The following APBB2 variants were observed in gnomAD, a reference collection of about 807,000 sequenced individuals.
APBB2 encodes the protein amyloid beta precursor protein binding family B member 2.
APBB2 carries 38 observed loss-of-function variants against 82.5 expected under a neutral mutation model. That is an observed-to-expected ratio of 0.46 (90% confidence interval 0.36 to 0.60). The LOEUF is 0.60. APBB2 is among the 20% of genes least tolerant of loss of function. The pLI is 0.00. For synonymous variants in APBB2, 341 were observed against 368.2 expected, an observed-to-expected ratio of 0.93 and a Z score of 0.85; for missense variants, 772 against 972.3, an observed-to-expected ratio of 0.79 and a Z score of 2.74.
At chr4:40,825,699 C>G in intron 15 of APBB2, 188 bp downstream of exon 15, 1 of 571,378 alleles carries the variant, frequency 1.8e-6, no homozygotes, top group South Asian at 2.0e-5. Context: ...GTCAAAGCAG[C>G]GGGGCCTGTC....
intron 1 of APBB2, among the ~76,000 whole-genome samples, chr4:41,191,231 C>G (rs1293396756): frequency 2.0e-5 from 3 of 152,124 alleles, no homozygotes; most frequent in African/African-American, 7.2e-5. Flanking sequence ...CTCCTTTGTC[C>G]ACTTTAACCA....
intron 12 of APBB2, among the ~76,000 whole-genome samples, chr4:40,840,632 C>T (rs937498996): frequency 6.6e-6 from 1 of 152,134 alleles, no homozygotes; most frequent in Non-Finnish European, 1.5e-5. Flanking sequence ...AGTTTTTTAG[C>T]CTCCGAAAGG....
rs992728653 is a variant in APBB2 at position 41,178,340 on chromosome 4, G to A, written c.-416-35198C>T. Among the ~76,000 whole-genome samples, 7 of 152,166 alleles carry A rather than the reference G, an allele frequency of 4.6e-5. No homozygotes were observed. In the East Asian group the frequency reaches 1.4e-3, roughly 29 times the overall value. ...TTGTGTTTAAGTCACTCCTACTAAG[G>A]ATCTTTAAAATCTCTACATACATCT... is the stretch of plus-strand genomic sequence containing the variant. On this transcript the variant is annotated intron_variant, in intron 1 of 17. Coordinates refer to ENST00000508593, the MANE Select transcript of APBB2 (RefSeq NM_004307.2).
At chr4:40,920,451 C>A (rs1376465148) in intron 10 of APBB2, among the ~76,000 whole-genome samples, 5 of 152,224 alleles carry the variant, frequency 3.3e-5, no homozygotes, top group African/African-American at 1.2e-4. Flanking sequence ...ACTGCATTTT[C>A]TCTTACCTCT....
intron 3 of APBB2, among the ~76,000 whole-genome samples, chr4:41,087,064 C>T (rs1048766712): frequency 2.0e-5 from 3 of 152,108 alleles, no homozygotes; most frequent in African/African-American, 7.2e-5. Context: ...CACTTGAGCC[C>T]AGGAGTTCAA....
Position 40,815,754 on chromosome 4 carries a change from T to C in APBB2, c.*338A>G, listed in dbSNP as rs1283951745. On this transcript the variant is annotated 3_prime_UTR_variant, in exon 18 of 18. Transcript: ENST00000508593. ...GTGAAACTAACTCACGCATCATTCA[T>C]TCCAAGGACGCAGCGTTAGTTCACT... The C allele has an allele frequency of 2.1e-5, 5 of 238,748 alleles. No individual in the cohort carries two copies. Among genetic ancestry groups the C allele is most frequent in the Non-Finnish European group, 4.2e-5 (5 of 119,566 alleles). The allele number at this position is 238,748 out of a possible 1,614,324, so 14.8% of individuals were successfully genotyped here.
chr4:40,851,072 G>T (rs928693539), intron 12 of APBB2, among the ~76,000 whole-genome samples: 18 of 152,124 alleles, frequency 1.2e-4, no homozygotes, highest in Non-Finnish European at 5.9e-5. Flanking sequence ...ACTTCGTGGA[G>T]CCCAGTGCAA....
chr4:41,181,033 T>C (rs1438039931), intron 1 of APBB2, among the ~76,000 whole-genome samples: 5 of 152,198 alleles, frequency 3.3e-5, no homozygotes, highest in African/African-American at 1.2e-4. Context: ...ACGTCAGTGA[T>C]CAAATTTAAT....
chr4:40,878,023 T>C (rs900752354), intron 12 of APBB2, among the ~76,000 whole-genome samples: 1 of 151,298 alleles, frequency 6.6e-6, no homozygotes, highest in African/African-American at 2.4e-5. Context: ...GGGGCAGACT[T>C]GGCAAGACAG....
intron 12 of APBB2, among the ~76,000 whole-genome samples, chr4:40,853,844 C>A (rs983346155): frequency 6.6e-5 from 10 of 152,338 alleles, no homozygotes; most frequent in Admixed American, 2.6e-4. Context: ...CTAGGACAGG[C>A]TGCCTCCTGA....
chr4:40,847,804 C>T (rs1577929525), intron 12 of APBB2, among the ~76,000 whole-genome samples: 2 of 150,234 alleles, frequency 1.3e-5, no homozygotes, highest in Non-Finnish European at 1.5e-5. Context: ...GTTGTTTTTG[C>T]TTGCTTTTTT....
chr4:40,958,484 A>G (rs1792253966), intron 6 of APBB2, among the ~76,000 whole-genome samples: 1 of 152,248 alleles, frequency 6.6e-6, no homozygotes, highest in Non-Finnish European at 1.5e-5. Flanking sequence ...GTACTGGGAA[A>G]AAAACTGCAT....
rs992355626 is a variant in APBB2 at position 40,857,107 on chromosome 4, A to T, written c.1530-26530T>A. On this transcript the variant is annotated intron_variant, in intron 12 of 17. Coordinates refer to ENST00000508593, the MANE Select transcript of APBB2 (RefSeq NM_004307.2). ...AAGCCCCAGGGTGCCGGCACCAGCC[A>T]GCGGTGCCGTCGCTCAAGCAGCCGC... is the stretch of plus-strand genomic sequence containing the variant. 4.3e-5 allele frequency: 42 copies of T among 985,342 alleles called. No individual in the cohort carries two copies. The African/African-American group carries it at 6.8e-4, about 16-fold the overall frequency. The allele number at this position is 985,342 out of a possible 1,614,324, so 61.0% of individuals were successfully genotyped here. A position where few individuals can be genotyped will look rare whatever the true frequency, so the allele number is the denominator to read the frequency against.
At chr4:41,098,202 T>TA (rs981812057) in intron 3 of APBB2, among the ~76,000 whole-genome samples, 1 of 152,148 alleles carries the variant, frequency 6.6e-6, no homozygotes, top group African/African-American at 2.4e-5. Context: ...TTTTTTTTTT[T>TA]AGAGTCAGGA....
intron 6 of APBB2, among the ~76,000 whole-genome samples, chr4:40,975,375 A>G (rs1796892961): frequency 6.6e-6 from 1 of 152,148 alleles, no homozygotes; most frequent in Non-Finnish European, 1.5e-5. Flanking sequence ...GCTTCAAATT[A>G]CTAATCCAGT....
chr4:40,886,080 T>A (rs1399147080), intron 12 of APBB2, among the ~76,000 whole-genome samples: 1 of 152,206 alleles, frequency 6.6e-6, no homozygotes, highest in Non-Finnish European at 1.5e-5. Context: ...ACTATAGGGC[T>A]CATTGGCGAA....
intron 2 of APBB2, among the ~76,000 whole-genome samples, chr4:41,140,161 C>T (rs566097254): frequency 1.1e-4 from 17 of 152,336 alleles, no homozygotes; most frequent in African/African-American, 3.1e-4. Context: ...CTGGTGAGAA[C>T]AGCAGCTGTT....
intron 3 of APBB2, among the ~76,000 whole-genome samples, chr4:41,086,557 GA>G (rs907334563): frequency 3.3e-5 from 5 of 151,848 alleles, no homozygotes; most frequent in African/African-American, 1.2e-4. Context: ...GAACAAAGAG[GA>G]AAAAACACAT....
intron 7 of APBB2, among the ~76,000 whole-genome samples, chr4:40,937,431 A>C (rs1207522732): frequency 2.0e-5 from 3 of 152,266 alleles, no homozygotes; most frequent in African/African-American, 7.2e-5. Context: ...GGGTATCTGT[A>C]AAGCAAAAGC....
Sources: allele counts gnomAD v4.1 joint callset (sites outside exome capture counted in the v4.1 genomes callset), GRCh38; gene constraint gnomAD v4.1.1; transcripts MANE v1.5; gene names NCBI Gene and HGNC (gene_info 2026-07-23, HGNC 2026-07-21).